Variants in IGFL2 observed in about 807,000 individuals in gnomAD.
IGFL2 encodes the protein insulin growth factor-like family member 2.
Under a neutral mutation model 13.9 loss-of-function variants are expected in IGFL2, and 7 were observed. That is an observed-to-expected ratio of 0.51 (90% CI 0.29 to 0.95). The LOEUF is 0.95. IGFL2 is among the 40% of genes least tolerant of loss of function. The probability of loss-of-function intolerance (pLI) is 0.08; values close to 1 mark genes in which losing one functional copy is unlikely to be tolerated. For synonymous variants in IGFL2, 55 were observed against 55.8 expected (o/e 0.99, Z 0.07); for missense variants, 138 against 147.8 (o/e 0.93, Z 0.34).
chr19:46,123,995 G>C, the IGFL2 span: 16 of 1,611,530 alleles, frequency 9.9e-6, 1 homozygote, highest in Non-Finnish European at 5.9e-6. Context: ...GGACAGCAGA[G>C]CTCAAAGCAG....
At chr19:46,141,652 G>C (rs1348548403), upstream of IGFL2, among the ~76,000 whole-genome samples, 1 of 152,054 alleles carries the variant, frequency 6.6e-6, no homozygotes, top group Non-Finnish European at 1.5e-5. Flanking sequence ...TCACCTACCA[G>C]CACCTGCTTG....
At chr19:46,101,764 G>T in the IGFL2 span, among the ~76,000 whole-genome samples, 1 of 152,340 alleles carries the variant, frequency 6.6e-6, no homozygotes, top group South Asian at 2.1e-4. Context: ...CGGCCCAACC[G>T]CTGTTGAGAC....
chr19:46,136,802 C>A, the IGFL2 span: 1 of 676,616 alleles, frequency 1.5e-6, no homozygotes, highest in Non-Finnish European at 2.8e-6. Context: ...GTGCAACATT[C>A]ACTAGAAGCT....
At chr19:46,095,963 G>T in the IGFL2 span, among the ~76,000 whole-genome samples, 2 of 152,166 alleles carry the variant, frequency 1.3e-5, no homozygotes, top group Non-Finnish European at 2.9e-5. Flanking sequence ...GATACTTCTA[G>T]CTTTGTTCTT....
chr19:46,134,846 G>A, the IGFL2 span, among the ~76,000 whole-genome samples: 1 of 152,150 alleles, frequency 6.6e-6, no homozygotes, highest in Admixed American at 6.5e-5. Flanking sequence ...CATGGCCTGT[G>A]GGTTGGGGAC....
At chr19:46,145,598 ATATGTGTGTGTGTGTG>A (rs1158410054), upstream of IGFL2, among the ~76,000 whole-genome samples, 6 of 138,378 alleles carry the variant, frequency 4.3e-5, no homozygotes, top group Admixed American at 7.0e-5. Flanking sequence ...ACACTCATAT[ATATGTGTGTGTGTGTG>A]TGTGTGTGTG....
At chr19:46,109,687 A>G in the IGFL2 span, among the ~76,000 whole-genome samples, 1 of 151,906 alleles carries the variant, frequency 6.6e-6, no homozygotes, top group Non-Finnish European at 1.5e-5. Flanking sequence ...GATATTACAA[A>G]TTACCTTCTC....
the IGFL2 span, among the ~76,000 whole-genome samples, chr19:46,177,456 A>G: frequency 6.6e-6 from 1 of 152,182 alleles, no homozygotes; most frequent in African/African-American, 2.4e-5. Context: ...GGAATCAGGC[A>G]ATGTAATATA....
chr19:46,083,963 T>C, the IGFL2 span, among the ~76,000 whole-genome samples: 1 of 152,250 alleles, frequency 6.6e-6, no homozygotes. Flanking sequence ...CTGCTTTTGC[T>C]TTTTCCTACA....
the IGFL2 span, chr19:46,120,116 A>G: frequency 1.6e-6 from 1 of 608,628 alleles, no homozygotes. Flanking sequence ...AGTGGCTCTC[A>G]GCGGGAAGGG....
At chr19:46,151,729 G>A (rs546075964) in intron 1 of IGFL2, among the ~76,000 whole-genome samples, 11 of 152,198 alleles carry the variant, frequency 7.2e-5, no homozygotes, top group African/African-American at 2.6e-4. Context: ...TGGGCCATAT[G>A]GTGAGACCAC....
the IGFL2 span, among the ~76,000 whole-genome samples, chr19:46,128,290 CAG>C: frequency 6.6e-6 from 1 of 152,140 alleles, no homozygotes; most frequent in African/African-American, 2.4e-5. Flanking sequence ...CATCTGCAAA[CAG>C]GGATAGTTTG....
the IGFL2 span, among the ~76,000 whole-genome samples, chr19:46,120,531 C>T: frequency 6.6e-6 from 1 of 150,892 alleles, no homozygotes; most frequent in Non-Finnish European, 1.5e-5. Flanking sequence ...AGATAGGACA[C>T]CACATGAAAG....
chr19:46,143,741 T>C (rs554147225), upstream of IGFL2, among the ~76,000 whole-genome samples: 1 of 152,294 alleles, frequency 6.6e-6, no homozygotes, highest in East Asian at 1.9e-4. Flanking sequence ...ACTATAGATA[T>C]TGTCTCTGCT....
At chr19:46,088,849 T>C in the IGFL2 span, among the ~76,000 whole-genome samples, 1 of 151,944 alleles carries the variant, frequency 6.6e-6, no homozygotes, top group Non-Finnish European at 1.5e-5. Flanking sequence ...TTTGAGAAGA[T>C]TGAAAAACAA....
chr19:46,114,852 A>G, the IGFL2 span, among the ~76,000 whole-genome samples: 1 of 152,212 alleles, frequency 6.6e-6, no homozygotes, highest in Non-Finnish European at 1.5e-5. Context: ...ATTGACTAAT[A>G]CAGGTGCTTT....
intron 1 of IGFL2, among the ~76,000 whole-genome samples, chr19:46,152,361 C>T (rs1025550591): frequency 2.0e-5 from 3 of 151,286 alleles, no homozygotes; most frequent in Non-Finnish European, 2.9e-5. Context: ...AATGCAGCTT[C>T]GAACTCCTGG....
the IGFL2 span, among the ~76,000 whole-genome samples, chr19:46,087,479 G>T: frequency 4.6e-5 from 7 of 152,216 alleles, no homozygotes; most frequent in South Asian, 1.4e-3. Context: ...CCTGTTCTCA[G>T]GCCCCCAGAT....
the IGFL2 span, among the ~76,000 whole-genome samples, chr19:46,215,166 C>T: frequency 1.3e-5 from 2 of 152,128 alleles, no homozygotes; most frequent in Middle Eastern, 6.8e-3. Flanking sequence ...GATGTTTTAT[C>T]CATCGGTTAA....
Sources: allele counts gnomAD v4.1 joint callset (sites outside exome capture counted in the v4.1 genomes callset), GRCh38; gene constraint gnomAD v4.1.1; transcripts MANE v1.5; gene names NCBI Gene and HGNC (gene_info 2026-07-23, HGNC 2026-07-21).